Variants in CLCN4 observed in about 807,000 individuals in gnomAD.
CLCN4 encodes the protein Cl-/H+ antiporter 4.
In CLCN4, 1 loss-of-function variant was observed where a neutral mutation model predicts 41.7. The ratio of observed to expected loss-of-function variants is 0.02; its 90% CI spans 0.01 to 0.11. The LOEUF (loss-of-function observed/expected upper bound fraction) is 0.11. CLCN4 is among the 10% of genes least tolerant of loss of function. The pLI is 1.00. For missense variants in CLCN4, 287 were observed against 661.0 expected (o/e 0.43, Z 6.20); for synonymous variants, 277 against 285.8 (o/e 0.97, Z 0.31).
intron 12 of CLCN4, among the ~76,000 whole-genome samples, chrX:10,226,919 A>C (rs1009047731): frequency 2.7e-5 from 3 of 110,964 alleles, no homozygotes; most frequent in Non-Finnish European, 5.7e-5. Context: ...CCAACCAAAA[A>C]AATCCCAGGA....
intron 11 of CLCN4, among the ~76,000 whole-genome samples, chrX:10,214,468 G>C (rs1448245683): frequency 8.8e-6 from 1 of 113,076 alleles, no homozygotes; most frequent in Non-Finnish European, 1.9e-5. Context: ...AAGGAAGAGA[G>C]GCGACAGCCT....
chrX:10,165,320 CT>C (rs1240509987), intron 2 of CLCN4, among the ~76,000 whole-genome samples: 2 of 112,825 alleles, frequency 1.8e-5, no homozygotes, highest in African/African-American at 3.2e-5. Flanking sequence ...CCTCTTGAAG[CT>C]GCAGAAGAGG....
chrX:10,216,611 A>G (rs1924712583), intron 11 of CLCN4, among the ~76,000 whole-genome samples: 1 of 109,922 alleles, frequency 9.1e-6, no homozygotes, highest in East Asian at 2.9e-4. Context: ...GGTCTGGTGG[A>G]TGATTTATTA....
intron 11 of CLCN4, among the ~76,000 whole-genome samples, chrX:10,216,328 C>G (rs1300510230): frequency 8.9e-6 from 1 of 112,252 alleles, no homozygotes; most frequent in Non-Finnish European, 1.9e-5. Flanking sequence ...GTCGTTAGCA[C>G]CACCTAGGCA....
chrX:10,221,877 A>T (rs1193520222), intron 12 of CLCN4, among the ~76,000 whole-genome samples: 1 of 111,608 alleles, frequency 9.0e-6, no homozygotes, highest in Non-Finnish European at 1.9e-5. Flanking sequence ...CTCTTCACGC[A>T]TGCATGAACT....
At position 10,206,494 on chromosome X, in the gene CLCN4, C is replaced by G; in HGVS notation, c.692C>G (p.Ala231Gly). The change falls in exon 7 of 13, where the codon GCT (alanine) becomes GGT (glycine). Residue 231 changes from alanine to glycine, a missense_variant. Around this residue, in one of 6 missense-constraint regions of CLCN4, gnomAD observed 90 missense variants for 209.8 expected, o/e 0.43. Coordinates refer to ENST00000380833, the MANE Select transcript of CLCN4 (RefSeq NM_001830.4). ...AAGGAAGGGCCGCTAGTGCACGTGG[C>G]TTGTTGCTGTGGCAACTTCTTCAGC... ...LGKEGPLVHV[A>G]CCCGNFFSSL... The G allele has an allele frequency of 8.3e-7, 1 of 1,210,694 alleles. No individual in the cohort carries two copies. Among genetic ancestry groups the G allele is most frequent in the Non-Finnish European group, 1.1e-6 (1 of 894,897 alleles).
intron 5 of CLCN4, among the ~76,000 whole-genome samples, chrX:10,196,091 A>G (rs1263368797): frequency 1.8e-5 from 2 of 112,113 alleles, no homozygotes; most frequent in Non-Finnish European, 3.8e-5. Flanking sequence ...CATTCCCACC[A>G]GCAGTGTATG....
chrX:10,209,827 A>C (rs1382710446), intron 9 of CLCN4, among the ~76,000 whole-genome samples: 2 of 106,737 alleles, frequency 1.9e-5, no homozygotes, highest in Non-Finnish European at 3.9e-5. Context: ...TTGTTATTAT[A>C]GCTTTTTTTT....
At chrX:10,161,656 C>T (rs1012931144) in intron 2 of CLCN4, among the ~76,000 whole-genome samples, 9 of 111,069 alleles carry the variant, frequency 8.1e-5, no homozygotes, top group African/African-American at 1.6e-4. Context: ...GTGATGTGTT[C>T]GGCAGCCCCT....
chrX:10,192,010 A>G (rs1267179050), intron 4 of CLCN4, among the ~76,000 whole-genome samples: 1 of 110,893 alleles, frequency 9.0e-6, no homozygotes, highest in Non-Finnish European at 1.9e-5. Context: ...GAATGAATGA[A>G]TGGACCTGAG....
chrX:10,185,961 C>T (rs1219825797), intron 3 of CLCN4, among the ~76,000 whole-genome samples: 2 of 111,265 alleles, frequency 1.8e-5, no homozygotes, highest in East Asian at 2.8e-4. Context: ...TCCAGGAGAC[C>T]GAAGGCAGTG....
chrX:10,195,218 G>A, intron 5 of CLCN4, 120 bp downstream of exon 5: 4 of 695,867 alleles, frequency 5.7e-6, no homozygotes, highest in Admixed American at 5.7e-5. Context: ...TCTGAAGTTC[G>A]TGGCTTAACA....
intron 12 of CLCN4, among the ~76,000 whole-genome samples, chrX:10,224,043 G>T (rs1924923030): frequency 9.0e-6 from 1 of 111,642 alleles, no homozygotes; most frequent in Non-Finnish European, 1.9e-5. Flanking sequence ...CCTCCTTCTG[G>T]GTTGATGTTC....
Position 10,189,330 on chromosome X carries a change from G to T in CLCN4, c.244+1716G>T, listed in dbSNP as rs564379850. On this transcript the variant is annotated intron_variant, in intron 4 of 12. Coordinates refer to ENST00000380833, the MANE Select transcript of CLCN4 (RefSeq NM_001830.4). ...GCTGACTTTAATCTGATTTTGACCAGCTGGCTTTATTATCCACTTGATTTC... is the reference window on the plus strand; with the variant it reads ...GCTGACTTTAATCTGATTTTGACCATCTGGCTTTATTATCCACTTGATTTC... Among the ~76,000 whole-genome samples the T allele has an allele frequency of 8.9e-5, 10 of 112,087 alleles. No individual in the cohort carries two copies. The South Asian group carries it at 2.2e-3, about 25-fold the overall frequency.
chrX:10,175,917 T>TCTCCCCCTCCCTCC (rs1923512935), intron 2 of CLCN4, among the ~76,000 whole-genome samples: 1 of 64,234 alleles, frequency 1.6e-5, no homozygotes, highest in Non-Finnish European at 2.6e-5. Flanking sequence ...TCCCTCCCTC[T>TCTCCCCCTCCCTCC]CTCTCTCTCT....
intron 5 of CLCN4, 71 bp downstream of exon 5, chrX:10,195,169 G>A (rs1924065032): frequency 2.9e-6 from 3 of 1,023,341 alleles, no homozygotes; most frequent in South Asian, 2.0e-5. Context: ...GCTGCTGGGA[G>A]ATTTGTGAAT....
chrX:10,230,407 G>C (rs1339673437), intron 12 of CLCN4, among the ~76,000 whole-genome samples: 1 of 112,109 alleles, frequency 8.9e-6, no homozygotes, highest in African/African-American at 3.2e-5. Flanking sequence ...GAAGTATTGG[G>C]TAACAGTGCC....
chrX:10,208,960 A>C (rs1200838409), intron 9 of CLCN4, among the ~76,000 whole-genome samples: 3 of 111,663 alleles, frequency 2.7e-5, no homozygotes, highest in African/African-American at 9.8e-5. Context: ...CAGGTGGTGG[A>C]AAAAGCCCAG....
In CLCN4 at chrX:10,197,997, C is replaced by T. The variant is rs1288588477; in HGVS notation, c.491C>T (p.Ala164Val). 1.7e-6 allele frequency: 2 copies of T among 1,208,275 alleles called. No individual in the cohort carries two copies. The highest frequency in any genetic ancestry group is 2.2e-6 in the Non-Finnish European group (2 of 894,168). The change falls in exon 6 of 13, where the codon GCA becomes GTA. Residue 164 changes from alanine (A) to valine (V), a missense_variant. By Grantham distance (64) the Ala-to-Val change is moderately conservative. Coordinates refer to ENST00000380833, the MANE Select transcript of CLCN4 (RefSeq NM_001830.4). The part of the protein sequence containing the change: ...LMYILWALLF[A>V]FLAVSLVRVF... ...TACATCCTATGGGCGCTGCTGTTTG[C>T]ATTTTTGGCTGTCTCCCTGGTGCGT... is the stretch of plus-strand genomic sequence containing the variant.
Sources: allele counts gnomAD v4.1 joint callset (sites outside exome capture counted in the v4.1 genomes callset), GRCh38; gene constraint gnomAD v4.1.1; regional missense constraint gnomAD v4.1.1; transcripts MANE v1.5; gene names NCBI Gene and HGNC (gene_info 2026-07-23, HGNC 2026-07-21).